EIF3H: variants seen among roughly 807,000 people sequenced by gnomAD.
The protein encoded by EIF3H is eukaryotic translation initiation factor 3 subunit H, also known as eIF-3-gamma.
In EIF3H, 26 loss-of-function variants were observed where a neutral mutation model predicts 44.2. The observed-to-expected ratio is 0.59, with a 90% confidence interval of 0.43 to 0.82. The LOEUF is 0.82. Ranked by LOEUF, EIF3H falls within the 40% of genes least tolerant of loss-of-function variation. The pLI is 0.00. For missense variants in EIF3H, 359 were observed against 432.8 expected (o/e 0.83, Z 1.51); for synonymous variants, 166 against 151.9 (o/e 1.09, Z -0.68).
chr8:116,720,354 G>C (rs1814724355), intron 2 of EIF3H, among the ~76,000 whole-genome samples: 1 of 152,048 alleles, frequency 6.6e-6, no homozygotes, highest in Non-Finnish European at 1.5e-5. Context: ...TAACATGCAT[G>C]TTCATGCTCA....
chr8:116,752,622 A>T (rs1258815066), intron 1 of EIF3H, among the ~76,000 whole-genome samples: 1 of 149,756 alleles, frequency 6.7e-6, no homozygotes, highest in Admixed American at 6.8e-5. Context: ...CTAGTATGTA[A>T]TATTGCTTTC....
intron 2 of EIF3H, among the ~76,000 whole-genome samples, chr8:116,723,675 G>C (rs968490196): frequency 6.6e-6 from 1 of 152,118 alleles, no homozygotes; most frequent in Non-Finnish European, 1.5e-5. Context: ...AAGTTAATGT[G>C]ATCAGTTAAA....
At position 116,643,488 on chromosome 8, in the gene EIF3H, G is replaced by A. The variant is rs766827208; in HGVS notation, c.*1518C>T. ...ACATCCTGGAAGGGGTGCCTAGAAT[G>A]CCTCCCTCATCATAAATACAGGCTG... On this transcript the variant is annotated 3_prime_UTR_variant, in exon 8 of 8. Coordinates refer to ENST00000521861, the MANE Select transcript of EIF3H (RefSeq NM_003756.3). The A allele has an allele frequency of 2.0e-5, 3 of 152,162 alleles. No homozygotes were observed. Among genetic ancestry groups the A allele is most frequent in the Non-Finnish European group, 4.4e-5 (3 of 68,042 alleles). The allele number at this position is 152,162 out of a possible 1,614,324, so 9.4% of individuals were successfully genotyped here.
intron 2 of EIF3H, among the ~76,000 whole-genome samples, chr8:116,683,526 G>T (rs1195738634): frequency 6.6e-6 from 1 of 152,172 alleles, no homozygotes; most frequent in African/African-American, 2.4e-5. Context: ...CACACTGAGG[G>T]TTAGAAATTT....
At chr8:116,678,867 G>T (rs1414428565) in intron 2 of EIF3H, among the ~76,000 whole-genome samples, 8 of 143,870 alleles carry the variant, frequency 5.6e-5, no homozygotes, top group African/African-American at 2.0e-4. Flanking sequence ...GAGGTGGGGG[G>T]GGGTCAGCCC....
intron 4 of EIF3H, 93 bp from the exon 5 acceptor site, chr8:116,656,098 C>A: frequency 8.5e-7 from 1 of 1,178,990 alleles, no homozygotes; most frequent in Non-Finnish European, 1.2e-6. Context: ...CAGGCCCTAT[C>A]CAAGATCTTT....
intron 2 of EIF3H, among the ~76,000 whole-genome samples, chr8:116,720,522 ACTAATAC>A (rs1182310922): frequency 1.3e-5 from 2 of 152,152 alleles, no homozygotes; most frequent in African/African-American, 2.4e-5. Context: ...GTGAAAATGG[ACTAATAC>A]AGTAAATTGG....
At chr8:116,738,024 G>C (rs1387837801) in intron 1 of EIF3H, among the ~76,000 whole-genome samples, 1 of 143,344 alleles carries the variant, frequency 7.0e-6, no homozygotes, top group Non-Finnish European at 1.5e-5. Context: ...GACACAGCGA[G>C]GCTCCATCTC....
At chr8:116,690,165 T>C (rs113727288) in intron 2 of EIF3H, among the ~76,000 whole-genome samples, 129 of 152,276 alleles carry the variant, frequency 8.5e-4, no homozygotes, top group African/African-American at 2.8e-3. Flanking sequence ...TATTTTGTGT[T>C]AAGTGAAAGC....
chr8:116,678,171 T>G lies in EIF3H; in HGVS notation c.290-19191A>C, dbSNP rs577430904. Among the ~76,000 whole-genome samples, 214 of 151,954 alleles carry G rather than the reference T, an allele frequency of 1.4e-3. 1 individual carries two copies. The highest frequency in any genetic ancestry group is 6.8e-3 in the Middle Eastern group (2 of 294). On this transcript the variant is annotated intron_variant, in intron 2 of 7. Coordinates refer to ENST00000521861, the MANE Select transcript of EIF3H (RefSeq NM_003756.3). ...CGCCTGACTGGTTTTCGTTTTTTTT[T>G]TTTGGTGGAGACGGGGTTTTGCTGT... is the stretch of plus-strand genomic sequence containing the variant.
chr8:116,761,316 A>G (rs1342000437), intron 1 of EIF3H, among the ~76,000 whole-genome samples: 1 of 152,174 alleles, frequency 6.6e-6, no homozygotes, highest in Admixed American at 6.5e-5. Context: ...GTTTGAGACC[A>G]GCCTGGACAA....
chr8:116,751,020 G>A (rs111514038), intron 1 of EIF3H, among the ~76,000 whole-genome samples: 6,040 of 151,286 alleles, frequency 0.04, 408 homozygotes, highest in African/African-American at 0.14. Flanking sequence ...AGACCATCCC[G>A]GCTAAAACGG....
rs940910349 is a variant in EIF3H, at chr8:116,722,114, T to G, written c.289+3902A>C. On this transcript the variant is annotated intron_variant, in intron 2 of 7. Transcript: ENST00000521861. The stretch of plus-strand genomic sequence containing the variant: ...AATTGTGGCTCCCATAATTCCCACA[T>G]GTTGTGGGAGGGACTCAGTGGAAGA... Among the ~76,000 whole-genome samples, 4 of 152,102 alleles carry G rather than the reference T, an allele frequency of 2.6e-5. No individual in the cohort carries two copies. The East Asian group carries it at 7.7e-4, about 29-fold the overall frequency.
At chr8:116,766,224 C>T in exon 1 of EIF3H, 1 of 199,152 alleles carries the variant, frequency 5.0e-6, no homozygotes, top group Non-Finnish European at 1.0e-5. Flanking sequence ...ACTATACTGC[C>T]AGTCTTTCAG....
At chr8:116,717,732 T>C (rs553919804) in intron 2 of EIF3H, among the ~76,000 whole-genome samples, 1 of 152,166 alleles carries the variant, frequency 6.6e-6, no homozygotes, top group East Asian at 1.9e-4. Context: ...TCTCTCACCT[T>C]ATACAAAAAT....
intron 1 of EIF3H, among the ~76,000 whole-genome samples, chr8:116,742,978 TTCTAG>T (rs1225806723): frequency 2.0e-5 from 3 of 152,356 alleles, no homozygotes; most frequent in Middle Eastern, 6.8e-3. Flanking sequence ...TTCATCATCT[TTCTAG>T]TCAAGAGGTC....
intron 1 of EIF3H, among the ~76,000 whole-genome samples, chr8:116,745,975 A>C (rs1050451048): frequency 3.3e-5 from 5 of 151,618 alleles, no homozygotes; most frequent in African/African-American, 1.2e-4. Flanking sequence ...CACCCAATGC[A>C]GGTAAACTAA....
At chr8:116,750,079 T>C (rs1392491694) in intron 1 of EIF3H, among the ~76,000 whole-genome samples, 9 of 152,298 alleles carry the variant, frequency 5.9e-5, no homozygotes, top group Non-Finnish European at 1.3e-4. Context: ...GACTGGGTTC[T>C]ACCTTGCTCA....
intron 1 of EIF3H, among the ~76,000 whole-genome samples, chr8:116,752,901 T>C (rs1235549663): frequency 2.0e-5 from 3 of 151,820 alleles, no homozygotes; most frequent in Non-Finnish European, 4.4e-5. Flanking sequence ...TTTTTTTAAA[T>C]TGTATCTGGG....
Sources: gnomAD v4.1 joint callset for allele counts (sites outside exome capture counted in the v4.1 genomes callset) on GRCh38, gnomAD v4.1.1 for gene constraint, MANE v1.5 for transcripts, NCBI Gene and HGNC (gene_info 2026-07-23, HGNC 2026-07-21) for gene names.